JARID2: variants seen among roughly 807,000 people sequenced by gnomAD.
The protein encoded by JARID2 is protein Jumonji.
JARID2 carries 21 observed loss-of-function variants against 125.6 expected under a neutral mutation model. The ratio of observed to expected loss-of-function variants is 0.17; its 90% CI spans 0.12 to 0.24. The LOEUF (loss-of-function observed/expected upper bound fraction) is 0.24. Ranked by LOEUF, JARID2 falls within the 10% of genes least tolerant of loss-of-function variation. JARID2 has a pLI of 1.00. For synonymous variants in JARID2, 736 were observed against 661.6 expected, an observed-to-expected ratio of 1.11 and a Z score of -1.73; for missense variants, 1,303 against 1,639.6, an observed-to-expected ratio of 0.79 and a Z score of 3.55.
At chr6:15,416,935 G>A (rs1766255950) in intron 3 of JARID2, among the ~76,000 whole-genome samples, 1 of 152,148 alleles carries the variant, frequency 6.6e-6, no homozygotes, top group Non-Finnish European at 1.5e-5. Flanking sequence ...TTGGTCATTT[G>A]GGTGTGGACT....
At chr6:15,347,675 A>G (rs1012983828) in intron 1 of JARID2, among the ~76,000 whole-genome samples, 1 of 152,174 alleles carries the variant, frequency 6.6e-6, no homozygotes, top group Admixed American at 6.5e-5. Flanking sequence ...CACTTTGTGT[A>G]TGTTGGTGGT....
At chr6:15,460,667 T>C (rs148689994) in intron 4 of JARID2, among the ~76,000 whole-genome samples, 1 of 146,978 alleles carries the variant, frequency 6.8e-6, no homozygotes, top group Non-Finnish European at 1.5e-5. Context: ...GTAGTGGCTG[T>C]TAGAATGCTC....
intron 1 of JARID2, among the ~76,000 whole-genome samples, chr6:15,352,343 C>A (rs1224772573): frequency 6.6e-6 from 1 of 152,278 alleles, no homozygotes; most frequent in East Asian, 1.9e-4. Context: ...ATTAATGTTA[C>A]ATTGTCCTCT....
chr6:15,250,748 A>G (rs1022765160), intron 1 of JARID2, among the ~76,000 whole-genome samples: 3 of 152,198 alleles, frequency 2.0e-5, no homozygotes, highest in Admixed American at 6.5e-5. Flanking sequence ...GTTTCCTCAT[A>G]GTGGGTTAAA....
chr6:15,330,177 T>C (rs1045577184), intron 1 of JARID2, among the ~76,000 whole-genome samples: 2 of 152,244 alleles, frequency 1.3e-5, no homozygotes, highest in African/African-American at 4.8e-5. Context: ...TAGGGGCTGT[T>C]CCCCAGGTTA....
intron 5 of JARID2, among the ~76,000 whole-genome samples, chr6:15,485,177 C>G (rs191048396): frequency 6.6e-6 from 1 of 152,172 alleles, no homozygotes; most frequent in African/African-American, 2.4e-5. Context: ...CATATTTTGA[C>G]GTGGCCTGGT....
chr6:15,266,153 A>T (rs1056684809), intron 1 of JARID2, among the ~76,000 whole-genome samples: 1 of 152,208 alleles, frequency 6.6e-6, no homozygotes, highest in Non-Finnish European at 1.5e-5. Flanking sequence ...TACCTTAGGA[A>T]GTCTCTGGAG....
At chr6:15,416,986 G>A (rs1766258527) in intron 3 of JARID2, among the ~76,000 whole-genome samples, 1 of 151,792 alleles carries the variant, frequency 6.6e-6, no homozygotes, top group African/African-American at 2.4e-5. Flanking sequence ...ATGGAGGTGA[G>A]GATTATTTGT....
chr6:15,317,617 T>C (rs1238136254), intron 1 of JARID2, among the ~76,000 whole-genome samples: 1 of 151,956 alleles, frequency 6.6e-6, no homozygotes, highest in African/African-American at 2.4e-5. Context: ...GATGGGTCCA[T>C]AGTCCACTGC....
At chr6:15,429,252 ATCTTTT>A (rs1766869229) in intron 3 of JARID2, among the ~76,000 whole-genome samples, 1 of 151,322 alleles carries the variant, frequency 6.6e-6, no homozygotes, top group Non-Finnish European at 1.5e-5. Flanking sequence ...AGGAAAAGGA[ATCTTTT>A]TCTTGTTCTT....
chr6:15,491,354 C>G (rs1048385312), intron 6 of JARID2, among the ~76,000 whole-genome samples: 1 of 152,210 alleles, frequency 6.6e-6, no homozygotes, highest in Non-Finnish European at 1.5e-5. Context: ...CTAGGAGGCT[C>G]CTGCCCATCT....
At chr6:15,398,909 T>C (rs1765316631) in intron 2 of JARID2, among the ~76,000 whole-genome samples, 1 of 152,198 alleles carries the variant, frequency 6.6e-6, no homozygotes, top group African/African-American at 2.4e-5. Flanking sequence ...CTACTTTTCT[T>C]ACCAACCTTG....
chr6:15,520,012 G>T, intron 17 of JARID2, 57 bp from the exon 18 acceptor site: 2 of 1,479,566 alleles, frequency 1.4e-6, no homozygotes, highest in South Asian at 2.6e-5. Context: ...GGCTCTCAGG[G>T]ACAGAGCTCT....
intron 1 of JARID2, among the ~76,000 whole-genome samples, chr6:15,332,730 G>C (rs1762748137): frequency 5.3e-5 from 8 of 151,962 alleles, no homozygotes; most frequent in Admixed American, 5.2e-4. Context: ...AGATCCTGCA[G>C]AGCTGGAAAG....
intron 1 of JARID2, among the ~76,000 whole-genome samples, chr6:15,366,731 G>C (rs895743513): frequency 3.3e-5 from 5 of 152,066 alleles, no homozygotes; most frequent in Non-Finnish European, 5.9e-5. Flanking sequence ...TTGATGTCCT[G>C]TGCCCCTGCC....
chr6:15,271,449 C>T (rs1019560084), intron 1 of JARID2, among the ~76,000 whole-genome samples: 1 of 152,216 alleles, frequency 6.6e-6, no homozygotes, highest in Non-Finnish European at 1.5e-5. Context: ...CTGTCCCAAC[C>T]TGAGCATCGA....
At chr6:15,471,789 A>G (rs1001538317) in intron 5 of JARID2, among the ~76,000 whole-genome samples, 2 of 152,082 alleles carry the variant, frequency 1.3e-5, no homozygotes, top group African/African-American at 4.8e-5. Context: ...CATATGAAAG[A>G]AGGGGATGGA....
intron 12 of JARID2, among the ~76,000 whole-genome samples, chr6:15,510,072 A>G (rs1771198947): frequency 6.6e-6 from 1 of 152,104 alleles, no homozygotes; most frequent in Admixed American, 6.5e-5. Flanking sequence ...CTTTCATCAC[A>G]GACACATAGG....
intron 3 of JARID2, among the ~76,000 whole-genome samples, chr6:15,413,543 T>G (rs1466113921): frequency 1.3e-5 from 2 of 152,208 alleles, no homozygotes; most frequent in East Asian, 3.8e-4. Flanking sequence ...TCTTGCTGCA[T>G]TATAACTTGG....
Sources: gnomAD v4.1 joint callset for allele counts (sites outside exome capture counted in the v4.1 genomes callset) on GRCh38, gnomAD v4.1.1 for gene constraint, MANE v1.5 for transcripts, NCBI Gene and HGNC (gene_info 2026-07-23, HGNC 2026-07-21) for gene names.